CEP164: variants seen among roughly 807,000 people sequenced by gnomAD.
CEP164 encodes the protein centrosomal protein of 164 kDa.
A neutral mutation model predicts 182.7 loss-of-function variants in CEP164; 162 were observed. The observed-to-expected ratio is 0.89, with a 90% confidence interval of 0.78 to 1.01. The LOEUF (loss-of-function observed/expected upper bound fraction) is 1.01, where lower values mean the gene tolerates loss of function less well. Ranked by LOEUF, CEP164 falls within the 50% of genes least tolerant of loss-of-function variation. The pLI is 0.00. For synonymous variants in CEP164, 661 were observed against 690.0 expected (o/e 0.96, Z 0.66); for missense variants, 1,735 against 1,790.4 (o/e 0.97, Z 0.56).
intron 6 of CEP164, 123 bp from the exon 7 acceptor site, chr11:117,362,281 C>A: frequency 9.0e-7 from 1 of 1,112,594 alleles, no homozygotes; most frequent in Non-Finnish European, 1.3e-6. Flanking sequence ...GCCAGGTCAG[C>A]TTCATGGACA....
At chr11:117,367,240 A>C (rs996791772) in intron 8 of CEP164, among the ~76,000 whole-genome samples, 1 of 152,214 alleles carries the variant, frequency 6.6e-6, no homozygotes, top group African/African-American at 2.4e-5. Context: ...CAGCTCATGT[A>C]CATCCATTTG....
In CEP164 at chr11:117,394,960, G is replaced by A. The variant is rs148375188; in HGVS notation, c.2801G>A (p.Arg934Lys). The A allele has an allele frequency of 1.9e-5, 31 of 1,614,178 alleles. No homozygotes were observed. Among genetic ancestry groups the A allele is most frequent in the Non-Finnish European group, 2.5e-5 (30 of 1,180,040 alleles). The change falls in exon 22 of 33, where the codon AGA (arginine) becomes AAA (lysine). Residue 934 changes from arginine (R) to lysine (K), a missense_variant. By Grantham distance (26) the Arg-to-Lys change is conservative (BLOSUM62 2). Transcript: ENST00000278935. The surrounding 1 kb of genome is among the most constrained non-coding windows in gnomAD (Gnocchi z 4.0). Reference protein sequence around the residue: ...LQDLELDLETRAKDVKARLAL... With the variant: ...LQDLELDLETKAKDVKARLAL... ...GATTTAGAGTTGGACCTTGAAACCA[G>A]AGCTAAAGATGTCAAGGCCAGATTG...
upstream of CEP164, among the ~76,000 whole-genome samples, chr11:117,325,754 T>TA (rs2035405768): frequency 6.6e-6 from 1 of 152,026 alleles, no homozygotes; most frequent in South Asian, 2.1e-4. Flanking sequence ...ATAAAGGAAG[T>TA]ATAGGCATAA....
chr11:117,354,574 G>T (rs879869573), intron 5 of CEP164, among the ~76,000 whole-genome samples: 11 of 152,052 alleles, frequency 7.2e-5, no homozygotes, highest in Non-Finnish European at 1.3e-4. Context: ...AACTTCCCAG[G>T]TTCCATGGAG....
chr11:117,402,453 T>C lies in CEP164; in HGVS notation c.3501+5140T>C, dbSNP rs113905701. ...TCAGGCTGGTCTCGAGCTCCTGACCTCATGATCCTCCTGGCTCGGCCTCCC... is the reference window on the plus strand; with the variant it reads ...TCAGGCTGGTCTCGAGCTCCTGACCCCATGATCCTCCTGGCTCGGCCTCCC... On this transcript the variant is annotated intron_variant, in intron 27 of 32. Transcript: ENST00000278935. 8.0e-3 allele frequency among the ~76,000 whole-genome samples: 1,220 copies of C among 152,250 alleles called. 18 individuals are homozygous for C. The highest frequency in any genetic ancestry group is 0.028 in the African/African-American group (1,172 of 41,534).
At chr11:117,405,781 A>G (rs1177847133) in intron 27 of CEP164, among the ~76,000 whole-genome samples, 4 of 152,222 alleles carry the variant, frequency 2.6e-5, no homozygotes, top group Non-Finnish European at 4.4e-5. Context: ...ATCTCTCTCA[A>G]GTTCAAAGTT....
At chr11:117,402,277 A>G in intron 27 of CEP164, among the ~76,000 whole-genome samples, 1 of 150,362 alleles carries the variant, frequency 6.7e-6, no homozygotes. Flanking sequence ...GCTGGAGTGC[A>G]GTGGCATGAT....
In CEP164 at chr11:117,351,994, T is replaced by G; in HGVS notation, c.393+6T>G. 2.6e-6 allele frequency: 4 copies of G among 1,560,120 alleles called. No homozygotes were observed. The South Asian group carries it at 3.5e-5, about 14-fold the overall frequency. On this transcript the variant is annotated splice_donor_region_variant and intron_variant, in intron 5 of 32. Coordinates refer to ENST00000278935, the MANE Select transcript of CEP164 (RefSeq NM_014956.5). ...ACCCCCCCAAAAGTTCGCTGGTGAG[T>G]CAGTGGATGCCTCCTCCCAGAGAGG...
intron 13 of CEP164, 40 bp downstream of exon 13, chr11:117,381,908 G>C: frequency 6.9e-7 from 1 of 1,451,950 alleles, no homozygotes; most frequent in Non-Finnish European, 9.1e-7. Flanking sequence ...GATGAGGGCT[G>C]GTGGCTGCTC....
intron 5 of CEP164, chr11:117,355,915 T>A: frequency 9.6e-7 from 1 of 1,045,404 alleles, no homozygotes; most frequent in Non-Finnish European, 1.2e-6. Flanking sequence ...AGGAGCCTCC[T>A]GCCAGTGAGA....
intron 4 of CEP164, among the ~76,000 whole-genome samples, chr11:117,348,520 G>T (rs2039243355): frequency 1.3e-5 from 2 of 151,964 alleles, no homozygotes; most frequent in African/African-American, 4.8e-5. Flanking sequence ...AATAGTAGTG[G>T]TATCTTACCA....
At position 117,375,759 on chromosome 11, in the gene CEP164, C is replaced by T; in HGVS notation, c.1285C>T (p.Leu429Phe). 1.2e-6 allele frequency: 2 copies of T among 1,614,098 alleles called. No individual in the cohort carries two copies. Among genetic ancestry groups the T allele is most frequent in the East Asian group, 2.2e-5 (1 of 44,868 alleles). Residue 429 changes from leucine to phenylalanine, a missense_variant, in exon 11 of 33, where the codon CTT (leucine) becomes TTT (phenylalanine). Leu to Phe is a conservative substitution (Grantham distance 22). Transcript: ENST00000278935. ...GGAGCACCTGCTGGATGTTGATGTG[C>T]TTTCCCCAGTCCTGGGTGGAGCTTG... Reference protein sequence around the residue: ...ISEHLLDVDVLSPVLGGACRQ... With the variant: ...ISEHLLDVDVFSPVLGGACRQ...
chr11:117,398,858 A>G (rs1336397163), intron 27 of CEP164, among the ~76,000 whole-genome samples: 2 of 152,238 alleles, frequency 1.3e-5, no homozygotes, highest in Non-Finnish European at 2.9e-5. Flanking sequence ...GGGGCTGCCC[A>G]TGAAGACCTA....
chr11:117,355,408 C>G (rs2040194901), intron 5 of CEP164: 1 of 1,289,822 alleles, frequency 7.8e-7, no homozygotes, highest in African/African-American at 1.5e-5. Context: ...AAAGCAGGAA[C>G]CAGGCCTCTG....
chr11:117,400,474 T>G (rs2046002959), intron 27 of CEP164, among the ~76,000 whole-genome samples: 1 of 152,230 alleles, frequency 6.6e-6, no homozygotes, highest in South Asian at 2.1e-4. Flanking sequence ...TACAGGCTCT[T>G]TTTTGGTTCC....
chr11:117,366,541 T>C (rs1779640518), intron 8 of CEP164, among the ~76,000 whole-genome samples: 1 of 152,176 alleles, frequency 6.6e-6, no homozygotes, highest in Non-Finnish European at 1.5e-5. Flanking sequence ...GAGCAGACTT[T>C]ATGTGGCCAT....
intron 17 of CEP164, 109 bp from the exon 18 acceptor site, chr11:117,392,117 C>T (rs113606192): frequency 9.6e-5 from 86 of 891,836 alleles, no homozygotes; most frequent in African/African-American, 8.0e-4. Flanking sequence ...CCCATGCTTC[C>T]CTTGACCCTG....
At chr11:117,406,017 C>A (rs2046636047) in intron 27 of CEP164, among the ~76,000 whole-genome samples, 1 of 152,238 alleles carries the variant, frequency 6.6e-6, no homozygotes, top group South Asian at 2.1e-4. Flanking sequence ...CTGAGCCCTC[C>A]AAACTGTTCC....
rs997381407 is a variant in CEP164, at chr11:117,411,996, G to A, written c.4287-76G>A. ...GCCCTGAGGGGCTGAGGAGGATCCT[G>A]TTCAGCCTTTGACCCTTTCATGGCC... On this transcript the variant is annotated intron_variant, in intron 32 of 32. Transcript: ENST00000278935. The surrounding 1 kb of genome is among the most constrained non-coding windows in gnomAD (Gnocchi z 4.4). 5 of 1,610,398 alleles carry A rather than the reference G, an allele frequency of 3.1e-6. No homozygotes were observed. Among genetic ancestry groups the A allele is most frequent in the Admixed American group, 1.7e-5 (1 of 59,914 alleles).
Sources: allele counts gnomAD v4.1 joint callset (sites outside exome capture counted in the v4.1 genomes callset), GRCh38; gene constraint gnomAD v4.1.1; non-coding constraint Gnocchi (gnomAD v3.1); transcripts MANE v1.5; gene names NCBI Gene and HGNC (gene_info 2026-07-23, HGNC 2026-07-21).